CSMD3: variants seen among roughly 807,000 people sequenced by gnomAD.
CSMD3 encodes the protein CUB and Sushi multiple domains 3.
CSMD3 carries 177 observed loss-of-function variants against 435.2 expected under a neutral mutation model. The ratio of observed to expected loss-of-function variants is 0.41; its 90% confidence interval spans 0.36 to 0.46. CSMD3 has a LOEUF of 0.46. Among genes scored for constraint, CSMD3 ranks in the 20% least tolerant of loss-of-function variants. CSMD3 has a pLI of 0.34. For missense variants in CSMD3, 4,265 were observed against 4,504.6 expected (o/e 0.95, Z 1.52); for synonymous variants, 1,656 against 1,520.5 (o/e 1.09, Z -2.07).
chr8:113,173,109 A>C (rs756230798), intron 4 of CSMD3, among the ~76,000 whole-genome samples: 2 of 152,166 alleles, frequency 1.3e-5, no homozygotes, highest in African/African-American at 2.4e-5. Flanking sequence ...CAATTTTGAC[A>C]GCCTAATTAA....
rs1488367180 is a variant in CSMD3 at position 113,144,527 on chromosome 8, C to T, written c.709+29195G>A. On this transcript the variant is annotated intron_variant, in intron 4 of 70. Transcript: ENST00000297405. ...TCTCATATTTCCGGAAATAGTCTGG[C>T]TCTTTTCAAGGCTTAGATGCTTAGA... Among the ~76,000 whole-genome samples the T allele has an allele frequency of 4.0e-5, 6 of 151,528 alleles. No homozygotes were observed. The East Asian group carries it at 1.2e-3, about 29-fold the overall frequency.
chr8:112,800,065 C>T, intron 13 of CSMD3, 97 bp downstream of exon 13: 1 of 818,232 alleles, frequency 1.2e-6, no homozygotes, highest in Non-Finnish European at 2.1e-6. Context: ...ATGTGTTCTG[C>T]AAAACTTTTA....
chr8:112,731,062 A>C (rs897645143), intron 13 of CSMD3, among the ~76,000 whole-genome samples: 1 of 152,152 alleles, frequency 6.6e-6, no homozygotes, highest in African/African-American at 2.4e-5. Context: ...AATTTTAAAA[A>C]GTCCTTTGTT....
intron 17 of CSMD3, among the ~76,000 whole-genome samples, chr8:112,662,552 C>A (rs1338021891): frequency 6.6e-6 from 1 of 152,196 alleles, no homozygotes; most frequent in East Asian, 1.9e-4. Context: ...AAATGTTAGA[C>A]CTAAAACCAT....
intron 1 of CSMD3, among the ~76,000 whole-genome samples, chr8:113,347,417 C>A (rs1452127662): frequency 1.3e-5 from 2 of 152,076 alleles, no homozygotes; most frequent in African/African-American, 2.4e-5. Context: ...CATTGAAAGG[C>A]GTGTAAAGGT....
intron 9 of CSMD3, among the ~76,000 whole-genome samples, chr8:112,922,498 C>T (rs982253318): frequency 6.6e-6 from 1 of 151,588 alleles, no homozygotes; most frequent in Non-Finnish European, 1.5e-5. Context: ...TTAACCATAC[C>T]CCTCTCCCTC....
intron 13 of CSMD3, among the ~76,000 whole-genome samples, chr8:112,733,320 T>A (rs1319357370): frequency 6.6e-6 from 1 of 152,034 alleles, no homozygotes; most frequent in Admixed American, 6.6e-5. Flanking sequence ...GTTTAGATTT[T>A]TGTTTTGGCT....
intron 3 of CSMD3, among the ~76,000 whole-genome samples, chr8:113,247,830 G>C (rs1026121576): frequency 3.3e-5 from 5 of 152,000 alleles, no homozygotes; most frequent in African/African-American, 4.8e-5. Flanking sequence ...ATTTAAGGGG[G>C]AGTGTTACAG....
At chr8:113,088,695 C>T (rs1344649644) in intron 5 of CSMD3, among the ~76,000 whole-genome samples, 1 of 124,422 alleles carries the variant, frequency 8.0e-6, no homozygotes, top group Non-Finnish European at 1.6e-5. Flanking sequence ...GAACATCACA[C>T]TCTGGGGACT....
chr8:112,382,291 C>CAAAAAAAAAAAAAAAAAA (rs11384093), intron 37 of CSMD3, among the ~76,000 whole-genome samples: 1 of 116,766 alleles, frequency 8.6e-6, no homozygotes. Context: ...CTCTAAAATG[C>CAAAAAAAAAAAAAAAAAA]AAAAAAAAAA....
At chr8:113,018,714 T>C (rs1361817493) in intron 6 of CSMD3, 1 of 232,412 alleles carries the variant, frequency 4.3e-6, no homozygotes, top group Admixed American at 5.1e-5. Context: ...GAGTTTCGAT[T>C]GAGAAAGAGC....
intron 10 of CSMD3, among the ~76,000 whole-genome samples, chr8:112,866,445 GC>G (rs1185496418): frequency 3.3e-5 from 5 of 152,080 alleles, no homozygotes; most frequent in African/African-American, 1.2e-4. Flanking sequence ...TTATATTCTT[GC>G]CCATTGAGGC....
chr8:112,490,384 C>G (rs890351915), intron 31 of CSMD3, among the ~76,000 whole-genome samples: 1 of 152,008 alleles, frequency 6.6e-6, no homozygotes, highest in Non-Finnish European at 1.5e-5. Context: ...CATAAGTGAT[C>G]CTATAAAATG....
At chr8:113,270,301 C>CAG (rs2093511465) in intron 3 of CSMD3, among the ~76,000 whole-genome samples, 1 of 144,974 alleles carries the variant, frequency 6.9e-6, no homozygotes, top group Non-Finnish European at 1.5e-5. Context: ...ATTAAAAAGT[C>CAG]GATCATTAAA....
intron 35 of CSMD3, among the ~76,000 whole-genome samples, chr8:112,406,015 ATAACT>A (rs142859317): frequency 0.19 from 29,075 of 151,958 alleles, 3,239 homozygotes; most frequent in Middle Eastern, 0.36. Flanking sequence ...ACATTTGGAA[ATAACT>A]TAAAGAGTAT....
chr8:112,336,640 G>T lies in CSMD3; in HGVS notation c.7019+12C>A, dbSNP rs780029060. On this transcript the variant is annotated intron_variant, in intron 44 of 70. Transcript: ENST00000297405. The stretch of plus-strand genomic sequence containing the variant: ...ATAATTGAATAAATCAATAACAATA[G>T]TCCTGACTTACCATACAGTAATGAA... 1 of 1,577,068 alleles carries T rather than the reference G, an allele frequency of 6.3e-7. No individual in the cohort carries two copies. The highest frequency in any genetic ancestry group is 8.7e-7 in the Non-Finnish European group (1 of 1,146,612).
At chr8:112,939,524 A>T (rs970176379) in intron 9 of CSMD3, among the ~76,000 whole-genome samples, 2 of 152,098 alleles carry the variant, frequency 1.3e-5, no homozygotes, top group Non-Finnish European at 2.9e-5. Context: ...TCCCCAAGTC[A>T]AGTAAAAAGA....
Position 112,682,530 on chromosome 8 carries a change from T to A in CSMD3, c.2589A>T (p.Gly863=). The A allele has an allele frequency of 1.9e-6, 3 of 1,613,622 alleles. 1 individual carries two copies. Among genetic ancestry groups the A allele is most frequent in the South Asian group, 2.2e-5 (2 of 91,064 alleles). ...GSSISVICEE[G]FIKTQGTETI... ...TTTCTGTTCCCTGGGTTTTAATAAA[T>A]CCTTCTTCACAAATAACTGAAATTG... Residue 863 remains glycine (G), a synonymous_variant, in exon 16 of 71, where the codon GGA becomes GGT. Coordinates refer to ENST00000297405, the MANE Select transcript of CSMD3 (RefSeq NM_198123.2).
chr8:112,331,996 C>G (rs904491838), intron 45 of CSMD3, among the ~76,000 whole-genome samples: 1 of 152,052 alleles, frequency 6.6e-6, no homozygotes, highest in African/African-American at 2.4e-5. Context: ...TTAGAAATTA[C>G]ACATTTAGTA....
Sources: gnomAD v4.1 joint callset for allele counts (sites outside exome capture counted in the v4.1 genomes callset) on GRCh38, gnomAD v4.1.1 for gene constraint, MANE v1.5 for transcripts, NCBI Gene and HGNC (gene_info 2026-07-23, HGNC 2026-07-21) for gene names.